Variants in SPMIP2 observed in about 807,000 individuals in gnomAD.
The protein encoded by SPMIP2 is protein SPMIP2.
the SPMIP2 span, among the ~76,000 whole-genome samples, chr4:158,961,629 A>T: frequency 6.6e-6 from 1 of 152,036 alleles, no homozygotes; most frequent in South Asian, 2.1e-4. Context: ...CAGGACTTGG[A>T]TGATCTTTAG....
chr4:158,962,276 G>A, the SPMIP2 span, among the ~76,000 whole-genome samples: 2 of 152,132 alleles, frequency 1.3e-5, no homozygotes, highest in Non-Finnish European at 2.9e-5. Flanking sequence ...GACACATTTA[G>A]GAAGTCTTTT....
the SPMIP2 span, chr4:159,007,743 G>C: frequency 1.6e-6 from 1 of 641,738 alleles, no homozygotes; most frequent in South Asian, 1.4e-5. Flanking sequence ...GCTGGACTTC[G>C]GGGCCTTCTA....
At chr4:159,002,299 T>C in the SPMIP2 span, among the ~76,000 whole-genome samples, 1 of 152,318 alleles carries the variant, frequency 6.6e-6, no homozygotes, top group South Asian at 2.1e-4. Context: ...TTCTAATCTG[T>C]GCTTGTAGTT....
chr4:159,028,349 G>A, the SPMIP2 span, among the ~76,000 whole-genome samples: 11 of 151,046 alleles, frequency 7.3e-5, no homozygotes, highest in Admixed American at 2.0e-4. Flanking sequence ...TTTTTCCTTC[G>A]AGATAGGGCC....
chr4:158,910,249 C>G, the SPMIP2 span, among the ~76,000 whole-genome samples: 2 of 151,900 alleles, frequency 1.3e-5, no homozygotes, highest in South Asian at 2.1e-4. Flanking sequence ...AAACACTAAT[C>G]TGGATGATGC....
chr4:158,966,435 G>A, the SPMIP2 span, among the ~76,000 whole-genome samples: 3 of 152,210 alleles, frequency 2.0e-5, no homozygotes, highest in African/African-American at 2.4e-5. Context: ...TGATCCACCT[G>A]TGCTTGGGAT....
the SPMIP2 span, among the ~76,000 whole-genome samples, chr4:158,976,585 C>T: frequency 2.0e-5 from 3 of 149,390 alleles, no homozygotes; most frequent in Middle Eastern, 3.2e-3. Context: ...TGATGGATTA[C>T]GTTTATTGAT....
chr4:158,960,280 G>T, the SPMIP2 span: 1 of 1,506,012 alleles, frequency 6.6e-7, no homozygotes, highest in Non-Finnish European at 9.2e-7. Flanking sequence ...ATTCATATTT[G>T]CTTACCATGG....
At chr4:159,036,521 T>C in the SPMIP2 span, among the ~76,000 whole-genome samples, 1 of 152,230 alleles carries the variant, frequency 6.6e-6, no homozygotes, top group South Asian at 2.1e-4. Context: ...CTTCCTCTGA[T>C]CAGTCCTGCT....
At chr4:158,988,555 T>G in the SPMIP2 span, among the ~76,000 whole-genome samples, 6 of 152,156 alleles carry the variant, frequency 3.9e-5, no homozygotes, top group Non-Finnish European at 8.8e-5. Flanking sequence ...CAAGTTGGCT[T>G]CATCTCTGGG....
chr4:159,064,881 G>A, the SPMIP2 span, among the ~76,000 whole-genome samples: 5 of 152,142 alleles, frequency 3.3e-5, no homozygotes, highest in Admixed American at 3.3e-4. Context: ...ATACACATGT[G>A]TATTGAGGGA....
chr4:158,902,817 A>G, the SPMIP2 span, among the ~76,000 whole-genome samples: 3 of 152,086 alleles, frequency 2.0e-5, no homozygotes, highest in African/African-American at 7.2e-5. Flanking sequence ...AGTCTCAGCA[A>G]TGGTGGATGC....
the SPMIP2 span, among the ~76,000 whole-genome samples, chr4:159,030,407 T>A: frequency 6.6e-6 from 1 of 151,256 alleles, no homozygotes; most frequent in South Asian, 2.1e-4. Context: ...AGTGAGACCC[T>A]CCCTCAAAAG....
chr4:159,006,803 G>GCAT, the SPMIP2 span, among the ~76,000 whole-genome samples: 2 of 152,134 alleles, frequency 1.3e-5, no homozygotes, highest in African/African-American at 4.8e-5. Context: ...AACACAGGTA[G>GCAT]GACAACCTCA....
chr4:159,061,044 C>T, the SPMIP2 span, among the ~76,000 whole-genome samples: 1 of 150,396 alleles, frequency 6.6e-6, no homozygotes, highest in Non-Finnish European at 1.5e-5. Context: ...AAGACTGCAC[C>T]ACTGCACTCT....
At chr4:159,018,606 A>G in the SPMIP2 span, among the ~76,000 whole-genome samples, 1 of 152,208 alleles carries the variant, frequency 6.6e-6, no homozygotes, top group Non-Finnish European at 1.5e-5. Context: ...TAAAAAGTGA[A>G]AGGAGATTGT....
the SPMIP2 span, among the ~76,000 whole-genome samples, chr4:159,037,408 C>T: frequency 6.6e-6 from 1 of 151,074 alleles, no homozygotes; most frequent in Admixed American, 6.6e-5. Context: ...TCAGAGAAGT[C>T]CAGCTTTTAT....
At chr4:158,915,568 C>A in the SPMIP2 span, among the ~76,000 whole-genome samples, 29 of 152,292 alleles carry the variant, frequency 1.9e-4, no homozygotes, top group African/African-American at 6.0e-4. Context: ...CAAAGAACCA[C>A]CCCCAAGATG....
chr4:159,021,880 G>A, the SPMIP2 span, among the ~76,000 whole-genome samples: 1 of 152,228 alleles, frequency 6.6e-6, no homozygotes, highest in African/African-American at 2.4e-5. Flanking sequence ...GATCAGGAAG[G>A]TGAGTTTGGT....
Sources: gnomAD v4.1 joint callset for allele counts (sites outside exome capture counted in the v4.1 genomes callset) on GRCh38, gnomAD v4.1.1 for gene constraint, MANE v1.5 for transcripts, NCBI Gene and HGNC (gene_info 2026-07-23, HGNC 2026-07-21) for gene names.